Variants in NTM observed in about 807,000 individuals in gnomAD.
NTM encodes the protein neurotrimin.
A neutral mutation model predicts 42.1 loss-of-function variants in NTM; 13 were observed. The ratio of observed to expected loss-of-function variants is 0.31; its 90% CI spans 0.20 to 0.49. NTM has a LOEUF of 0.49. Ranked by LOEUF, NTM falls within the 20% of genes least tolerant of loss-of-function variation. NTM has a pLI of 0.99. For synonymous variants in NTM, 187 were observed against 179.2 expected (o/e 1.04, Z -0.35); for missense variants, 373 against 452.8 (o/e 0.82, Z 1.60).
chr11:131,975,325 G>A (rs2064158264), intron 2 of NTM, among the ~76,000 whole-genome samples: 1 of 151,990 alleles, frequency 6.6e-6, no homozygotes, highest in Non-Finnish European at 1.5e-5. Flanking sequence ...GACTACAGGT[G>A]CACGCCACCA....
intron 2 of NTM, among the ~76,000 whole-genome samples, chr11:131,927,960 G>A (rs761549791): frequency 1.1e-4 from 16 of 152,176 alleles, no homozygotes; most frequent in South Asian, 6.2e-4. Context: ...GGGAACAAAG[G>A]ATTCTGGTGT....
chr11:132,160,960 G>A (rs954361880), intron 3 of NTM, among the ~76,000 whole-genome samples: 1 of 152,166 alleles, frequency 6.6e-6, no homozygotes, highest in African/African-American at 2.4e-5. Context: ...CGGTGACTTC[G>A]GGATATTTCT....
At position 131,831,741 on chromosome 11, in the gene NTM, A is replaced by G. The variant is rs528438172; in HGVS notation, c.83-79823A>G. ...TGTGTTCATGCTGTGACTTTTCTGTAAAAATCAGGTAGCAGATACTTTGAC... is the reference window on the plus strand; with the variant it reads ...TGTGTTCATGCTGTGACTTTTCTGTGAAAATCAGGTAGCAGATACTTTGAC... On this transcript the variant is annotated intron_variant, in intron 1 of 8. Coordinates refer to ENST00000683400, the MANE Select transcript of NTM (RefSeq NM_001352005.2). 9.9e-5 allele frequency among the ~76,000 whole-genome samples: 15 copies of G among 152,206 alleles called. No homozygotes were observed. In the South Asian group the frequency reaches 2.9e-3, roughly 29 times the overall value.
chr11:132,224,316 T>C (rs1056275504), intron 4 of NTM, among the ~76,000 whole-genome samples: 2 of 152,066 alleles, frequency 1.3e-5, no homozygotes, highest in Non-Finnish European at 2.9e-5. Context: ...TCGGGGAGCA[T>C]CTTGCCTATG....
intron 1 of NTM, among the ~76,000 whole-genome samples, chr11:131,514,109 T>C (rs1354992223): frequency 6.6e-6 from 1 of 152,146 alleles, no homozygotes; most frequent in Non-Finnish European, 1.5e-5. Flanking sequence ...GGAGAAAGCA[T>C]AAGAAAATTG....
chr11:131,753,973 TC>T lies in NTM; in HGVS notation c.83-157589del, dbSNP rs535526924. On this transcript the variant is annotated intron_variant, in intron 1 of 8. Coordinates refer to ENST00000683400, the MANE Select transcript of NTM (RefSeq NM_001352005.2). Reference sequence around the variant, plus strand: ...AGCCATAAAAAGTGATGAGTTCTTGTCCTTTGTAGTGACTTGGATGAAGCTG... The same window carrying T: ...AGCCATAAAAAGTGATGAGTTCTTGTCTTTGTAGTGACTTGGATGAAGCTG... 7.1e-3 allele frequency among the ~76,000 whole-genome samples: 1,079 copies of T among 152,062 alleles called. 8 individuals carry two copies. The highest frequency in any genetic ancestry group is 0.024 in the African/African-American group (989 of 41,480).
In NTM at chr11:131,498,163, C is replaced by A. The variant is rs577360789; in HGVS notation, c.82+127275C>A. ...GACTGCTATTTTCACTTGGCGGCAC[C>A]AAGCATTTGCTTCCAACGGGAGGTT... On this transcript the variant is annotated intron_variant, in intron 1 of 8. Coordinates refer to ENST00000683400, the MANE Select transcript of NTM (RefSeq NM_001352005.2). Among the ~76,000 whole-genome samples, 4 of 152,314 alleles carry A rather than the reference C, an allele frequency of 2.6e-5. No homozygotes were observed. The South Asian group carries it at 8.3e-4, about 32-fold the overall frequency.
intron 1 of NTM, among the ~76,000 whole-genome samples, chr11:131,451,072 T>C (rs541046088): frequency 6.6e-6 from 1 of 152,272 alleles, no homozygotes; most frequent in African/African-American, 2.4e-5. Flanking sequence ...AAATTTGTCC[T>C]GGGTGCTTTA....
At chr11:131,651,902 C>T (rs570680409) in intron 1 of NTM, among the ~76,000 whole-genome samples, 18 of 149,504 alleles carry the variant, frequency 1.2e-4, no homozygotes, top group Middle Eastern at 3.5e-3. Context: ...GATTCCACTC[C>T]GGGGGAAGCT....
intron 1 of NTM, among the ~76,000 whole-genome samples, chr11:131,436,140 A>G (rs2135944532): frequency 6.6e-6 from 1 of 152,300 alleles, no homozygotes; most frequent in Middle Eastern, 3.4e-3. Context: ...ATGAAGCTGA[A>G]TTGATCGTGG....
intron 1 of NTM, among the ~76,000 whole-genome samples, chr11:131,855,526 T>C (rs1363400192): frequency 6.6e-6 from 1 of 152,212 alleles, no homozygotes; most frequent in African/African-American, 2.4e-5. Flanking sequence ...CTTTCTTTTG[T>C]TTCTGCCTTT....
intron 1 of NTM, among the ~76,000 whole-genome samples, chr11:131,374,579 G>A (rs1591492633): frequency 6.6e-6 from 1 of 152,298 alleles, no homozygotes; most frequent in African/African-American, 2.4e-5. Context: ...CCTGCGTAGT[G>A]TCTTCAGGTG....
At chr11:132,105,244 G>A (rs1215397218) in intron 2 of NTM, among the ~76,000 whole-genome samples, 2 of 151,692 alleles carry the variant, frequency 1.3e-5, no homozygotes, top group African/African-American at 2.4e-5. Flanking sequence ...AAGATGGAAC[G>A]CCGTTTCCTG....
intron 1 of NTM, among the ~76,000 whole-genome samples, chr11:131,768,026 T>G (rs1208611547): frequency 6.6e-6 from 1 of 152,152 alleles, no homozygotes; most frequent in Non-Finnish European, 1.5e-5. Context: ...ATTCCTTTTT[T>G]TTTTAAGTTT....
At chr11:132,273,790 C>T (rs904620095) in intron 4 of NTM, among the ~76,000 whole-genome samples, 1 of 151,962 alleles carries the variant, frequency 6.6e-6, no homozygotes, top group African/African-American at 2.4e-5. Flanking sequence ...GCCTGTAATC[C>T]CAGCTACTTG....
chr11:131,694,319 C>T (rs1474932379), intron 1 of NTM, among the ~76,000 whole-genome samples: 1 of 152,232 alleles, frequency 6.6e-6, no homozygotes, highest in Non-Finnish European at 1.5e-5. Flanking sequence ...AAGCTACAGA[C>T]CATTTTCATT....
intron 1 of NTM, among the ~76,000 whole-genome samples, chr11:131,656,943 C>A (rs1241040982): frequency 6.6e-6 from 1 of 151,944 alleles, no homozygotes; most frequent in Non-Finnish European, 1.5e-5. Flanking sequence ...CGTGAGCCAC[C>A]GTGGTGGTCT....
chr11:131,988,437 A>G (rs959191461), intron 2 of NTM, among the ~76,000 whole-genome samples: 1 of 152,166 alleles, frequency 6.6e-6, no homozygotes, highest in Non-Finnish European at 1.5e-5. Flanking sequence ...GGGACACTGC[A>G]TTGCTCTCTC....
chr11:131,516,454 C>T (rs1286346516), intron 1 of NTM, among the ~76,000 whole-genome samples: 3 of 152,128 alleles, frequency 2.0e-5, no homozygotes, highest in Non-Finnish European at 2.9e-5. Context: ...TCTCGGCTCA[C>T]GCAATCTCCG....
Sources: gnomAD v4.1 joint callset for allele counts (sites outside exome capture counted in the v4.1 genomes callset) on GRCh38, gnomAD v4.1.1 for gene constraint, MANE v1.5 for transcripts, NCBI Gene and HGNC (gene_info 2026-07-23, HGNC 2026-07-21) for gene names.